NEB: variants seen among roughly 807,000 people sequenced by gnomAD.
The protein encoded by NEB is nebulin, also known as nemaline myopathy type 2.
In NEB, 512 loss-of-function variants were observed where a neutral mutation model predicts 952.2. The observed-to-expected ratio is 0.54, with a 90% CI of 0.50 to 0.58. The LOEUF (loss-of-function observed/expected upper bound fraction) is 0.58, where lower values mean the gene tolerates loss of function less well. Among genes scored for constraint, NEB ranks in the 20% least tolerant of loss-of-function variants. NEB has a pLI of 0.00. For synonymous variants in NEB, 2,900 were observed against 3,149.8 expected (o/e 0.92, Z 2.66); for missense variants, 8,428 against 9,231.1 (o/e 0.91, Z 3.56).
chr2:151,662,195 G>A lies in NEB; in HGVS notation c.5910C>T (p.Ser1970=). 1 of 1,613,534 alleles carries A rather than the reference G, an allele frequency of 6.2e-7. No individual in the cohort carries two copies. Among genetic ancestry groups the A allele is most frequent in the South Asian group, 1.1e-5 (1 of 91,060 alleles). The part of the protein sequence containing the change: ...YRQHPDTLKY[S]TLMDSMNMVL... ...CCATGTTCATCGAGTCCATGAGTGT[G>A]GAATACTTCAAAGTGTCTGGGTGCT... Residue 1970 remains serine (S), a synonymous_variant, in exon 46 of 182, where the codon TCC becomes TCT. Transcript: ENST00000397345.
rs1012053058 is a variant in NEB at position 151,655,196 on chromosome 2, A to G, written c.6807+74T>C. The G allele has an allele frequency of 6.7e-5, 60 of 890,666 alleles. No homozygotes were observed. In the East Asian group the frequency reaches 1.6e-3, roughly 24 times the overall value. The allele number at this position is 890,666 out of a possible 1,614,324, so 55.2% of individuals were successfully genotyped here. The stretch of plus-strand genomic sequence containing the variant: ...CCATTGCTTCAACATTTATATCAGT[A>G]TTTACTGTTACATTATTTTATAAGT... On this transcript the variant is annotated intron_variant, in intron 51 of 181. Coordinates refer to ENST00000397345, the MANE Select transcript of NEB (RefSeq NM_001164508.2).
chr2:151,594,503 G>T (rs2153890292), intron 92 of NEB, among the ~76,000 whole-genome samples, 185 bp from the exon 93 acceptor site: 1 of 151,416 alleles, frequency 6.6e-6, no homozygotes, highest in African/African-American at 2.4e-5. Flanking sequence ...TCATTTCAGA[G>T]AGGACATGAG....
At chr2:151,638,805 CTCTGTG>C (rs767573305) in intron 63 of NEB, among the ~76,000 whole-genome samples, 382 of 77,216 alleles carry the variant, frequency 4.9e-3, no homozygotes, top group Non-Finnish European at 6.2e-3. Flanking sequence ...ATTTCTCTCT[CTCTGTG>C]TGTGTGTGTG....
At chr2:151,680,623 G>T in intron 30 of NEB, 107 bp downstream of exon 30, 2 of 746,982 alleles carry the variant, frequency 2.7e-6, no homozygotes, top group Non-Finnish European at 4.3e-6. Context: ...TTGTGTAATT[G>T]GGTCTCTTCA....
intron 168 of NEB, among the ~76,000 whole-genome samples, chr2:151,500,063 C>T (rs536758857): frequency 2.0e-5 from 3 of 152,008 alleles, no homozygotes; most frequent in Non-Finnish European, 4.4e-5. Flanking sequence ...TTTTGAAAAT[C>T]GTTGCAAGCC....
chr2:151,709,857 A>G, intron 11 of NEB, 94 bp from the exon 12 acceptor site: 1 of 884,592 alleles, frequency 1.1e-6, no homozygotes, highest in South Asian at 1.5e-5. Context: ...AAGTTACACA[A>G]TGCCACCCTG....
intron 12 of NEB, 68 bp from the exon 13 acceptor site, chr2:151,707,065 T>C: frequency 1.1e-6 from 1 of 927,698 alleles, no homozygotes. Flanking sequence ...CTATTATGAA[T>C]ATGACATACT....
chr2:151,548,242 G>T, intron 131 of NEB, 66 bp downstream of exon 131: 1 of 1,239,662 alleles, frequency 8.1e-7, no homozygotes, highest in Non-Finnish European at 1.2e-6. Context: ...AATTCTTAAT[G>T]CATTTCAAAC....
chr2:151,647,054 T>C lies in NEB; in HGVS notation c.7432-820A>G, dbSNP rs1331659321. On this transcript the variant is annotated intron_variant, in intron 54 of 181. Coordinates refer to ENST00000397345, the MANE Select transcript of NEB (RefSeq NM_001164508.2). ...TGGATGTCCCAGAGCCATCCTTATG[T>C]CTCTTCAACAGAAGACAAGGGGATC... Among the ~76,000 whole-genome samples the C allele has an allele frequency of 2.0e-5, 3 of 151,776 alleles. No homozygotes were observed. The East Asian group carries it at 5.8e-4, about 29-fold the overall frequency.
chr2:151,669,821 G>A (rs898479399), intron 38 of NEB, among the ~76,000 whole-genome samples: 4 of 152,202 alleles, frequency 2.6e-5, no homozygotes, highest in African/African-American at 7.2e-5. Context: ...AGGCTCTTGC[G>A]ATTGTTTGAG....
In NEB at chr2:151,505,950, C is replaced by CT. The variant is rs1180038222; in HGVS notation, c.23649+215dup. 3 of 588,398 alleles carry CT rather than the reference C, an allele frequency of 5.1e-6. No homozygotes were observed. In the African/African-American group the frequency reaches 5.6e-5, roughly 11 times the overall value. The allele number at this position is 588,398 out of a possible 1,614,324, so 36.4% of individuals were successfully genotyped here. ...GGATTCTACCTTCTCACAAGCCTCT[C>CT]TGTTTTTCAGATCTAATCTCTCCCT... On this transcript the variant is annotated intron_variant, in intron 164 of 181. Transcript: ENST00000397345.
At chr2:151,641,067 G>A (rs987550844) in intron 60 of NEB, among the ~76,000 whole-genome samples, 1 of 151,970 alleles carries the variant, frequency 6.6e-6, no homozygotes, top group Non-Finnish European at 1.5e-5. Context: ...TATCTACTAT[G>A]TGTCAGGCAC....
chr2:151,555,989 G>T (rs2095627760), intron 124 of NEB, among the ~76,000 whole-genome samples: 1 of 151,908 alleles, frequency 6.6e-6, no homozygotes. Context: ...AATTTGCCAA[G>T]AATCTTGCCT....
intron 117 of NEB, 59 bp from the exon 118 acceptor site, chr2:151,563,989 T>A: frequency 8.0e-7 from 1 of 1,253,532 alleles, no homozygotes; most frequent in Non-Finnish European, 1.1e-6. Flanking sequence ...CAGATACCAC[T>A]AAAACAATTG....
chr2:151,705,083 A>G (rs2149784379), intron 13 of NEB, among the ~76,000 whole-genome samples: 1 of 152,270 alleles, frequency 6.6e-6, no homozygotes, highest in Admixed American at 6.5e-5. Context: ...CCTTCATGAA[A>G]AAGTTATATA....
chr2:151,503,157 A>G (rs2066015644), intron 166 of NEB, 192 bp downstream of exon 166: 1 of 596,862 alleles, frequency 1.7e-6, no homozygotes, highest in African/African-American at 1.9e-5. Context: ...TAGTCAAGTC[A>G]CTGAAAATGT....
At chr2:151,685,355 A>C (rs2099486937) in intron 27 of NEB, among the ~76,000 whole-genome samples, 1 of 152,202 alleles carries the variant, frequency 6.6e-6, no homozygotes, top group African/African-American at 2.4e-5. Context: ...TTGTAATGAA[A>C]ACCATATGAC....
chr2:151,541,374 C>A (rs1029311716), intron 136 of NEB, 73 bp downstream of exon 136: 15 of 1,135,358 alleles, frequency 1.3e-5, no homozygotes, highest in Non-Finnish European at 1.9e-5. Flanking sequence ...CTGCCACTGG[C>A]CAGGTGAGGC....
In NEB at chr2:151,667,884, T is replaced by C; in HGVS notation, c.4639A>G (p.Thr1547Ala). 6.2e-7 allele frequency: 1 copy of C among 1,612,234 alleles called. No individual in the cohort carries two copies. The highest frequency in any genetic ancestry group is 1.1e-5 in the South Asian group (1 of 90,886). ...CTCAAATCATAGCCCTTGGCAATGG[T>C]TTTCTTCCAATCTGCTTTATAATGA... ...DAHYKADWKK[T>A]IAKGYDLRPD... Residue 1547 changes from threonine (T) to alanine (A), a missense_variant, in exon 40 of 182, where the codon ACC becomes GCC. Physicochemically the swap from Thr to Ala is moderately conservative, Grantham distance 58. Coordinates refer to ENST00000397345, the MANE Select transcript of NEB (RefSeq NM_001164508.2).
Sources: allele counts gnomAD v4.1 joint callset (sites outside exome capture counted in the v4.1 genomes callset), GRCh38; gene constraint gnomAD v4.1.1; transcripts MANE v1.5; gene names NCBI Gene and HGNC (gene_info 2026-07-23, HGNC 2026-07-21).